The following CEP97 variants were observed in gnomAD, a reference collection of about 807,000 sequenced individuals.
The protein encoded by CEP97 is centrosomal protein of 97 kDa.
Under a neutral mutation model 73.1 loss-of-function variants are expected in CEP97, and 43 were observed. The ratio of observed to expected loss-of-function variants is 0.59; its 90% CI spans 0.46 to 0.76. The LOEUF is 0.76. Ranked by LOEUF, CEP97 falls within the 30% of genes least tolerant of loss-of-function variation. The probability of loss-of-function intolerance (pLI) is 0.00; values close to 1 mark genes in which losing one functional copy is unlikely to be tolerated. For synonymous variants in CEP97, 337 were observed against 370.0 expected (o/e 0.91, Z 1.02); for missense variants, 939 against 1,014.0 (o/e 0.93, Z 1.00).
intron 9 of CEP97, chr3:101,758,647 G>A: frequency 1.8e-6 from 1 of 548,034 alleles, no homozygotes; most frequent in Non-Finnish European, 3.2e-6. Flanking sequence ...ATACATAGAT[G>A]CAGTGTAGTA....
At chr3:101,764,775 CCT>C in intron 10 of CEP97, 70 bp from the exon 11 acceptor site, 1 of 1,351,470 alleles carries the variant, frequency 7.4e-7, no homozygotes, top group Non-Finnish European at 1.0e-6. Context: ...AGAGCGAGAC[CCT>C]GTCTCAAAAA....
At chr3:101,753,200 A>G (rs1356653935) in intron 6 of CEP97, among the ~76,000 whole-genome samples, 1 of 152,196 alleles carries the variant, frequency 6.6e-6, no homozygotes, top group East Asian at 1.9e-4. Flanking sequence ...TGGTGGCTGC[A>G]GAACAACAGA....
chr3:101,741,129 A>G (rs2107151353), intron 6 of CEP97, among the ~76,000 whole-genome samples: 1 of 152,306 alleles, frequency 6.6e-6, no homozygotes, highest in African/African-American at 2.4e-5. Flanking sequence ...ACACATCTAC[A>G]ACCCTCTGAT....
At chr3:101,743,741 C>T (rs1399178380) in intron 6 of CEP97, among the ~76,000 whole-genome samples, 3 of 152,124 alleles carry the variant, frequency 2.0e-5, no homozygotes, top group Non-Finnish European at 2.9e-5. Flanking sequence ...CAGTGGCTCA[C>T]GCCTGTAATC....
chr3:101,754,622 C>T (rs1008532893), intron 6 of CEP97, among the ~76,000 whole-genome samples: 14 of 152,154 alleles, frequency 9.2e-5, no homozygotes, highest in African/African-American at 1.4e-4. Flanking sequence ...TAGAGTCATC[C>T]GAAGGCTTAA....
rs1170441231 is a variant in CEP97 at position 101,757,179 on chromosome 3, A to G, written c.1010A>G (p.Gln337Arg). 6.2e-7 allele frequency: 1 copy of G among 1,605,670 alleles called. No homozygotes were observed. The highest frequency in any genetic ancestry group is 1.3e-5 in the African/African-American group (1 of 74,636). Residue 337 changes from glutamine to arginine, a missense_variant, in exon 8 of 11, where the codon CAG (glutamine) becomes CGG (arginine). Gln to Arg is a conservative substitution (Grantham distance 43, BLOSUM62 1). Transcript: ENST00000341893. ...CATTCAAGCCCTGTTCAAGATTGCC[A>G]GATATCCCAGGAAAGTGGTAAGAAA... ...PEHSSPVQDC[Q>R]ISQESEPVIQ...
intron 9 of CEP97, among the ~76,000 whole-genome samples, chr3:101,760,356 A>C (rs1030739058): frequency 1.3e-5 from 2 of 152,166 alleles, no homozygotes; most frequent in Admixed American, 1.3e-4. Flanking sequence ...AATGCTTAAA[A>C]GTGCAAAACA....
Position 101,731,893 on chromosome 3 carries a change from C to T in CEP97, c.501C>T (p.Tyr167=), listed in dbSNP as rs1165748205. The T allele has an allele frequency of 6.2e-7, 1 of 1,612,554 alleles. No homozygotes were observed. Among genetic ancestry groups the T allele is most frequent in the Admixed American group, 1.7e-5 (1 of 60,000 alleles). ...CCTCTCTTAGAATGGCACCTGCTTA[C>T]CTACCCAGAAGTCTTGCTATACTTT... The part of the protein sequence containing the change: ...IITSLRMAPA[Y]LPRSLAILSL... Residue 167 remains tyrosine, a synonymous_variant, in exon 5 of 11, where the codon TAC becomes TAT. Transcript: ENST00000341893.
At chr3:101,755,196 T>A (rs1308761176) in intron 6 of CEP97, among the ~76,000 whole-genome samples, 1 of 152,168 alleles carries the variant, frequency 6.6e-6, no homozygotes, top group Non-Finnish European at 1.5e-5. Context: ...TTTGGCACCA[T>A]TAGTCCAAGC....
At position 101,757,195 on chromosome 3, in the gene CEP97, T is replaced by C. The variant is rs1560019492; in HGVS notation, c.1026T>C (p.Ser342=). ...PVQDCQISQE[S]EPVIQVNSWV... is the part of the protein sequence containing the mutation. The stretch of plus-strand genomic sequence containing the variant: ...AAGATTGCCAGATATCCCAGGAAAG[T>C]GGTAAGAAATGAATTTATCTCTGAT... Residue 342 remains serine (S), a splice_region_variant and synonymous_variant, in exon 8 of 11, where the codon AGT becomes AGC. Coordinates refer to ENST00000341893, the MANE Select transcript of CEP97 (RefSeq NM_024548.4). 1 of 1,600,674 alleles carries C rather than the reference T, an allele frequency of 6.2e-7. No homozygotes were observed. The highest frequency in any genetic ancestry group is 8.5e-7 in the Non-Finnish European group (1 of 1,176,310).
In CEP97 at chr3:101,762,934, T is replaced by A. The variant is rs375227756; in HGVS notation, c.1893+374T>A. Among the ~76,000 whole-genome samples the A allele has an allele frequency of 1.2e-4, 18 of 152,292 alleles. No individual in the cohort carries two copies. The East Asian group carries it at 3.3e-3, about 28-fold the overall frequency. On this transcript the variant is annotated intron_variant, in intron 10 of 10. Coordinates refer to ENST00000341893, the MANE Select transcript of CEP97 (RefSeq NM_024548.4). Reference sequence around the variant, plus strand: ...ATTAAGATGGTATATGACTACAATATGCATGTCCTAAAAAGTATTCATAAC... The same window carrying A: ...ATTAAGATGGTATATGACTACAATAAGCATGTCCTAAAAAGTATTCATAAC...
chr3:101,742,876 G>A lies in CEP97; in HGVS notation c.728+10222G>A, dbSNP rs532274681. Among the ~76,000 whole-genome samples, 3 of 152,136 alleles carry A rather than the reference G, an allele frequency of 2.0e-5. No homozygotes were observed. In the South Asian group the frequency reaches 6.2e-4, roughly 32 times the overall value. Reference sequence around the variant, plus strand: ...AAAATAAATAAATAAATAAAGAATTGTAAAAGTATCACATAATTAAGATAC... The same window carrying A: ...AAAATAAATAAATAAATAAAGAATTATAAAAGTATCACATAATTAAGATAC... On this transcript the variant is annotated intron_variant, in intron 6 of 10. Coordinates refer to ENST00000341893, the MANE Select transcript of CEP97 (RefSeq NM_024548.4).
intron 6 of CEP97, among the ~76,000 whole-genome samples, chr3:101,741,433 A>G (rs577525248): frequency 8.7e-4 from 133 of 152,346 alleles, no homozygotes; most frequent in African/African-American, 3.2e-3. Flanking sequence ...TAATTAAACT[A>G]AAGAGCTTCT....
chr3:101,765,482 A>G lies in CEP97; in HGVS notation c.2529A>G (p.Ala843=). Residue 843 remains alanine (A), a synonymous_variant, in exon 11 of 11, where the codon GCA becomes GCG. Coordinates refer to ENST00000341893, the MANE Select transcript of CEP97 (RefSeq NM_024548.4). The stretch of plus-strand genomic sequence containing the variant: ...CACAAGAGAATTCTAAATTAAATGC[A>G]GAAGTTCAGGGGCAGCAGCCAGAAT... ...SQTQENSKLN[A]EVQGQQPECD... is the part of the protein sequence containing the mutation. 1 of 1,614,194 alleles carries G rather than the reference A, an allele frequency of 6.2e-7. No homozygotes were observed. Among genetic ancestry groups the G allele is most frequent in the South Asian group, 1.1e-5 (1 of 91,080 alleles).
In CEP97 at chr3:101,765,165, G is replaced by T. The variant is rs915235526; in HGVS notation, c.2212G>T (p.Asp738Tyr). 3 of 1,614,050 alleles carry T rather than the reference G, an allele frequency of 1.9e-6. No individual in the cohort carries two copies. The African/African-American group carries it at 4.0e-5, about 22-fold the overall frequency. ...SESSIMGNSI[D>Y]TVRYGKESDL... ...AAGCTCCATAATGGGGAATTCCATT[G>T]ACACAGTCAGATATGGCAAAGAATC... The change falls in exon 11 of 11, where the codon GAC becomes TAC. Residue 738 changes from aspartate to tyrosine, a missense_variant. Transcript: ENST00000341893.
chr3:101,732,364 C>G, intron 5 of CEP97, 124 bp from the exon 6 acceptor site: 1 of 672,518 alleles, frequency 1.5e-6, no homozygotes, highest in Non-Finnish European at 2.5e-6. Context: ...GGACACTTGT[C>G]ACTTTTCAGA....
chr3:101,747,794 T>G (rs1938670244), intron 6 of CEP97, among the ~76,000 whole-genome samples: 1 of 151,756 alleles, frequency 6.6e-6, no homozygotes, highest in Admixed American at 6.6e-5. Context: ...TTCCTTCACT[T>G]TCAAGAGTGG....
rs1939405122 is a variant in CEP97 at position 101,769,412 on chromosome 3, A to ATTCTCCTGCCTC, written c.*3861_*3862insTTCTCCTGCCTC. On this transcript the variant is annotated 3_prime_UTR_variant, in exon 11 of 11. Coordinates refer to ENST00000341893, the MANE Select transcript of CEP97 (RefSeq NM_024548.4). The stretch of plus-strand genomic sequence containing the variant: ...ACTGCAACCTCCACTTCCTGGGTAC[A>ATTCTCCTGCCTC]AGCGATTCTCCTGCCTCAGCTTCCT... 1 of 151,538 alleles carries ATTCTCCTGCCTC rather than the reference A, an allele frequency of 6.6e-6. No individual in the cohort carries two copies. The highest frequency in any genetic ancestry group is 1.5e-5 in the Non-Finnish European group (1 of 67,950). The allele number at this position is 151,538 out of a possible 1,614,324, so 9.4% of individuals were successfully genotyped here.
chr3:101,750,875 A>G (rs1242945645), intron 6 of CEP97, among the ~76,000 whole-genome samples: 1 of 152,104 alleles, frequency 6.6e-6, no homozygotes, highest in African/African-American at 2.4e-5. Context: ...TCCTGGATTC[A>G]TTAATTGTTT....
Sources: gnomAD v4.1 joint callset for allele counts (sites outside exome capture counted in the v4.1 genomes callset) on GRCh38, gnomAD v4.1.1 for gene constraint, MANE v1.5 for transcripts, NCBI Gene and HGNC (gene_info 2026-07-23, HGNC 2026-07-21) for gene names.